Variants in TENM4 observed in about 807,000 individuals in gnomAD.
The protein encoded by TENM4 is teneurin-4.
A neutral mutation model predicts 243.3 loss-of-function variants in TENM4; 82 were observed. That is an observed-to-expected ratio of 0.34 (90% CI 0.28 to 0.40). The LOEUF (loss-of-function observed/expected upper bound fraction) is 0.40. Ranked by LOEUF, TENM4 falls within the 10% of genes least tolerant of loss-of-function variation. The pLI, the probability that TENM4 is intolerant of heterozygous loss-of-function variation, is 1.00. For missense variants in TENM4, 3,138 were observed against 3,673.3 expected, an observed-to-expected ratio of 0.85 and a Z score of 3.77; for synonymous variants, 1,412 against 1,456.3, an observed-to-expected ratio of 0.97 and a Z score of 0.69.
chr11:78,761,411 T>C (rs924728808), intron 18 of TENM4, among the ~76,000 whole-genome samples: 2 of 152,006 alleles, frequency 1.3e-5, no homozygotes, highest in Non-Finnish European at 2.9e-5. Context: ...AGCTAATTTA[T>C]TGTATTTTTA....
intron 19 of TENM4, among the ~76,000 whole-genome samples, chr11:78,754,820 T>C (rs959081223): frequency 3.3e-5 from 5 of 152,218 alleles, no homozygotes; most frequent in African/African-American, 1.2e-4. Context: ...TTCTCAGTAC[T>C]CCGGGGGTAA....
chr11:79,304,666 G>A (rs969498769), intron 1 of TENM4, among the ~76,000 whole-genome samples: 2 of 152,152 alleles, frequency 1.3e-5, no homozygotes, highest in African/African-American at 4.8e-5. Context: ...GCAGCCACAG[G>A]ACCTCAGCCT....
intron 1 of TENM4, among the ~76,000 whole-genome samples, chr11:79,326,621 A>G (rs1382034981): frequency 6.6e-6 from 1 of 152,168 alleles, no homozygotes; most frequent in Non-Finnish European, 1.5e-5. Flanking sequence ...TGGATTCTCC[A>G]ATAGCAACCA....
At chr11:78,726,045 A>G in intron 23 of TENM4, 34 bp downstream of exon 23, 2 of 1,612,438 alleles carry the variant, frequency 1.2e-6, no homozygotes, top group Non-Finnish European at 1.7e-6. Flanking sequence ...GTTCCACCCC[A>G]GCCTGGTTCA....
intron 1 of TENM4, among the ~76,000 whole-genome samples, chr11:79,421,470 G>A (rs1858929342): frequency 6.6e-6 from 1 of 152,174 alleles, no homozygotes; most frequent in African/African-American, 2.4e-5. Flanking sequence ...CTTTACCCCA[G>A]TGATTTTTAT....
chr11:79,317,926 G>A lies in TENM4; in HGVS notation c.-320-20383C>T, dbSNP rs137878052. On this transcript the variant is annotated intron_variant, in intron 1 of 33. Coordinates refer to ENST00000278550, the MANE Select transcript of TENM4 (RefSeq NM_001098816.3). Reference sequence around the variant, plus strand: ...GTGGGTGGATGGTCACTCACAGAGAGGGGTCTTCTGGAAGCCAACTAGCTT... The same window carrying A: ...GTGGGTGGATGGTCACTCACAGAGAAGGGTCTTCTGGAAGCCAACTAGCTT... Among the ~76,000 whole-genome samples, 38 of 152,270 alleles carry A rather than the reference G, an allele frequency of 2.5e-4. No individual in the cohort carries two copies. The East Asian group carries it at 6.9e-3, about 28-fold the overall frequency.
rs535568293 is a variant in TENM4 at position 79,264,717 on chromosome 11, T to C, written c.-265+32771A>G. Among the ~76,000 whole-genome samples the C allele has an allele frequency of 3.2e-4, 48 of 152,318 alleles. 1 individual carries two copies. In the South Asian group the frequency reaches 1.0e-2, roughly 32 times the overall value. On this transcript the variant is annotated intron_variant, in intron 2 of 33. Transcript: ENST00000278550. ...GACTAAAATCACAGGGTAGGACTTG[T>C]AGAAAATACTTGGATCCCATTCCCA...
At chr11:79,361,997 A>G (rs1289503898) in intron 1 of TENM4, among the ~76,000 whole-genome samples, 1 of 152,192 alleles carries the variant, frequency 6.6e-6, no homozygotes, top group Non-Finnish European at 1.5e-5. Flanking sequence ...CATATTTGTG[A>G]CAAGTATCAG....
chr11:78,783,563 T>G (rs572741012), intron 16 of TENM4, among the ~76,000 whole-genome samples: 1 of 152,188 alleles, frequency 6.6e-6, no homozygotes, highest in East Asian at 1.9e-4. Flanking sequence ...CTGTGATTCA[T>G]GGATAGAGAA....
At chr11:78,916,678 T>C (rs1368661628) in intron 6 of TENM4, among the ~76,000 whole-genome samples, 1 of 152,200 alleles carries the variant, frequency 6.6e-6, no homozygotes, top group African/African-American at 2.4e-5. Flanking sequence ...AGAGGAACAG[T>C]ATAGAGTAGG....
chr11:78,689,992 C>T (rs2135728354), intron 28 of TENM4, among the ~76,000 whole-genome samples: 1 of 152,290 alleles, frequency 6.6e-6, no homozygotes, highest in Admixed American at 6.5e-5. Context: ...ACTCCCTGGG[C>T]AGGGCTGCAG....
intron 6 of TENM4, among the ~76,000 whole-genome samples, chr11:79,054,976 C>T (rs1196244170): frequency 2.0e-5 from 3 of 151,672 alleles, no homozygotes; most frequent in Non-Finnish European, 4.4e-5. Context: ...ACTAAACAAA[C>T]AATTAGCCAG....
Position 79,346,168 on chromosome 11 carries a change from C to T in TENM4, c.-320-48625G>A, listed in dbSNP as rs560695898. 3.3e-5 allele frequency among the ~76,000 whole-genome samples: 5 copies of T among 152,292 alleles called. No individual in the cohort carries two copies. In the East Asian group the frequency reaches 9.7e-4, roughly 29 times the overall value. On this transcript the variant is annotated intron_variant, in intron 1 of 33. Transcript: ENST00000278550. ...GCAGCAGCTGTAATCCCCCAGAGAA[C>T]ATTTGACTCTCCTCCTCGCGATGAT...
At chr11:79,126,862 A>G (rs891385156) in intron 4 of TENM4, among the ~76,000 whole-genome samples, 10 of 152,148 alleles carry the variant, frequency 6.6e-5, no homozygotes, top group Admixed American at 2.0e-4. Context: ...CTGGCCTTTT[A>G]CTACAGTAAT....
chr11:78,761,100 TG>T (rs1470453955), intron 18 of TENM4, among the ~76,000 whole-genome samples: 2 of 152,218 alleles, frequency 1.3e-5, no homozygotes, highest in Non-Finnish European at 2.9e-5. Flanking sequence ...GTCATCCTTC[TG>T]CATGTTGTAG....
intron 29 of TENM4, among the ~76,000 whole-genome samples, chr11:78,685,286 G>A (rs558772612): frequency 4.6e-5 from 7 of 152,292 alleles, no homozygotes; most frequent in South Asian, 2.1e-4. Context: ...TCCCAAGGCC[G>A]CTGCTCATTA....
At chr11:79,270,389 A>G (rs1855949330) in intron 2 of TENM4, among the ~76,000 whole-genome samples, 1 of 152,192 alleles carries the variant, frequency 6.6e-6, no homozygotes, top group South Asian at 2.1e-4. Context: ...TGGCATGTGA[A>G]TTATATTCAA....
At chr11:78,762,494 A>C (rs899893197) in intron 18 of TENM4, among the ~76,000 whole-genome samples, 1 of 152,170 alleles carries the variant, frequency 6.6e-6, no homozygotes, top group Non-Finnish European at 1.5e-5. Context: ...AAATATCACA[A>C]ACTGTGCTCT....
chr11:79,142,628 A>C (rs576573643), intron 4 of TENM4, among the ~76,000 whole-genome samples: 1 of 152,218 alleles, frequency 6.6e-6, no homozygotes, highest in African/African-American at 2.4e-5. Flanking sequence ...AATAGAAAAA[A>C]CAATCCTAAA....
Sources: allele counts gnomAD v4.1 joint callset (sites outside exome capture counted in the v4.1 genomes callset), GRCh38; gene constraint gnomAD v4.1.1; transcripts MANE v1.5; gene names NCBI Gene and HGNC (gene_info 2026-07-23, HGNC 2026-07-21).